PAM: variants seen among roughly 807,000 people sequenced by gnomAD.
The protein encoded by PAM is peptidyl-glycine alpha-amidating monooxygenase.
In PAM, 72 loss-of-function variants were observed where a neutral mutation model predicts 122.1. That is an observed-to-expected ratio of 0.59 (90% CI 0.49 to 0.72). The LOEUF (loss-of-function observed/expected upper bound fraction) is 0.72. Among genes scored for constraint, PAM ranks in the 30% least tolerant of loss-of-function variants. The pLI is 0.00. For missense variants in PAM, 1,106 were observed against 1,183.7 expected (o/e 0.93, Z 0.96); for synonymous variants, 389 against 404.4 (o/e 0.96, Z 0.46).
At chr5:102,946,347 T>A (rs1757026559) in intron 7 of PAM, among the ~76,000 whole-genome samples, 1 of 151,966 alleles carries the variant, frequency 6.6e-6, no homozygotes, top group Non-Finnish European at 1.5e-5. Context: ...TCTACAATAA[T>A]AAAATTCTAT....
At chr5:102,866,432 C>G (rs407129) in intron 2 of PAM, 148 bp downstream of exon 2, 11 of 633,780 alleles carry the variant, frequency 1.7e-5, no homozygotes, top group Non-Finnish European at 2.3e-5. Context: ...TTGTGAAGTC[C>G]CCCGTGCAGA....
intron 1 of PAM, among the ~76,000 whole-genome samples, chr5:102,791,381 C>CT (rs544126556): frequency 1.3e-5 from 2 of 151,674 alleles, no homozygotes; most frequent in South Asian, 4.2e-4. Context: ...AATTAGCTTT[C>CT]TTTTTTTTAA....
chr5:102,831,393 T>C (rs1775394809), intron 1 of PAM, among the ~76,000 whole-genome samples: 3 of 152,164 alleles, frequency 2.0e-5, no homozygotes, highest in Middle Eastern at 6.8e-3. Context: ...TTCATATGCA[T>C]ATCTTTTAAG....
intron 1 of PAM, among the ~76,000 whole-genome samples, chr5:102,803,016 G>A (rs889231736): frequency 1.3e-5 from 2 of 152,014 alleles, no homozygotes; most frequent in African/African-American, 2.4e-5. Flanking sequence ...CCAGCTACTC[G>A]AGAGTCTAAA....
chr5:103,025,710 C>T (rs575941773), intron 24 of PAM, among the ~76,000 whole-genome samples: 1 of 152,200 alleles, frequency 6.6e-6, no homozygotes, highest in Non-Finnish European at 1.5e-5. Context: ...CCTCAAAGTA[C>T]CTGGGTCAGT....
intron 3 of PAM, among the ~76,000 whole-genome samples, chr5:102,892,912 A>T (rs931523190): frequency 6.6e-6 from 1 of 151,822 alleles, no homozygotes; most frequent in Non-Finnish European, 1.5e-5. Context: ...TATATGTAGC[A>T]GAGTCTCACA....
chr5:102,934,292 C>T lies in PAM; in HGVS notation c.526+7624C>T, dbSNP rs137976176. On this transcript the variant is annotated intron_variant, in intron 7 of 25. Coordinates refer to ENST00000438793, the MANE Select transcript of PAM (RefSeq NM_001177306.2). ...TAGCCTTCCCTGAATAGGGCCCTGG[C>T]GTGTACATCAGCCATCAATCTGAAT... Among the ~76,000 whole-genome samples, 703 of 152,188 alleles carry T rather than the reference C, an allele frequency of 4.6e-3. 5 individuals are homozygous for T. Among genetic ancestry groups the T allele is most frequent in the Middle Eastern group, 0.017 (5 of 294 alleles).
chr5:102,764,717 C>T (rs546401956), intron 1 of PAM, among the ~76,000 whole-genome samples: 33 of 152,270 alleles, frequency 2.2e-4, no homozygotes, highest in South Asian at 2.1e-3. Flanking sequence ...CAGGTTGCTC[C>T]GCCACTAAAC....
chr5:102,917,609 C>G (rs747497269), intron 5 of PAM, among the ~76,000 whole-genome samples: 4 of 152,182 alleles, frequency 2.6e-5, no homozygotes, highest in Non-Finnish European at 4.4e-5. Context: ...AGGATTTCCT[C>G]CTGTTTACAC....
intron 4 of PAM, among the ~76,000 whole-genome samples, chr5:102,902,090 T>C (rs764672434): frequency 6.6e-6 from 1 of 151,622 alleles, no homozygotes; most frequent in African/African-American, 2.4e-5. Context: ...AGAGCTGTGA[T>C]TGGCAAATTA....
intron 17 of PAM, among the ~76,000 whole-genome samples, chr5:103,004,869 A>C (rs1255595842): frequency 1.3e-5 from 2 of 152,192 alleles, no homozygotes; most frequent in Non-Finnish European, 2.9e-5. Flanking sequence ...TTAAACTGAT[A>C]CTGTTTTCTC....
chr5:102,928,457 T>C (rs1051524375), intron 7 of PAM, among the ~76,000 whole-genome samples: 2 of 152,152 alleles, frequency 1.3e-5, no homozygotes, highest in African/African-American at 4.8e-5. Flanking sequence ...TAGTTTTTTA[T>C]TTTCTCTTAA....
intron 15 of PAM, among the ~76,000 whole-genome samples, chr5:102,978,514 G>C (rs1768542074): frequency 6.6e-6 from 1 of 152,020 alleles, no homozygotes; most frequent in Admixed American, 6.6e-5. Context: ...CTATTCTAGT[G>C]GCAGATTTGA....
chr5:102,812,939 C>G (rs1164902184), intron 1 of PAM, among the ~76,000 whole-genome samples: 2 of 151,560 alleles, frequency 1.3e-5, no homozygotes, highest in Non-Finnish European at 2.9e-5. Flanking sequence ...TGCAAGTGCT[C>G]ACGTAAATAA....
intron 1 of PAM, among the ~76,000 whole-genome samples, chr5:102,847,343 G>A (rs2150671685): frequency 6.6e-6 from 1 of 152,274 alleles, no homozygotes; most frequent in Admixed American, 6.5e-5. Context: ...GGAGGCTGAG[G>A]CAGAAGAATC....
intron 1 of PAM, among the ~76,000 whole-genome samples, chr5:102,845,423 G>A (rs796903679): frequency 2.4e-4 from 37 of 152,288 alleles, no homozygotes; most frequent in African/African-American, 7.9e-4. Context: ...AAGTGATGCC[G>A]TGTGGTCAGT....
At chr5:102,868,151 T>A (rs368570540) in intron 3 of PAM, among the ~76,000 whole-genome samples, 1 of 152,256 alleles carries the variant, frequency 6.6e-6, no homozygotes, top group Non-Finnish European at 1.5e-5. Flanking sequence ...CATTAAAAGA[T>A]AGTCCTCTCC....
At chr5:103,025,370 C>A in intron 24 of PAM, 36 bp downstream of exon 24, 2 of 1,523,628 alleles carry the variant, frequency 1.3e-6, no homozygotes, top group Non-Finnish European at 1.8e-6. Context: ...TGGAACCTGC[C>A]TTTGAAAGAG....
chr5:102,883,140 G>A (rs1489102906), intron 3 of PAM, among the ~76,000 whole-genome samples: 1 of 151,902 alleles, frequency 6.6e-6, no homozygotes, highest in East Asian at 1.9e-4. Context: ...ATAGTTTGAA[G>A]TCAGGTAATG....
Sources: allele counts gnomAD v4.1 joint callset (sites outside exome capture counted in the v4.1 genomes callset), GRCh38; gene constraint gnomAD v4.1.1; transcripts MANE v1.5; gene names NCBI Gene and HGNC (gene_info 2026-07-23, HGNC 2026-07-21).